NCALD: variants seen among roughly 807,000 people sequenced by gnomAD.
The protein encoded by NCALD is neurocalcin-delta.
In NCALD, 10 loss-of-function variants were observed where a neutral mutation model predicts 18.6. That is an observed-to-expected ratio of 0.54 (90% confidence interval 0.33 to 0.91). NCALD has a LOEUF of 0.91. Ranked by LOEUF, NCALD falls within the 40% of genes least tolerant of loss-of-function variation. The pLI is 0.03. For synonymous variants in NCALD, 88 were observed against 87.4 expected, an observed-to-expected ratio of 1.01 and a Z score of -0.04; for missense variants, 184 against 247.6, an observed-to-expected ratio of 0.74 and a Z score of 1.72.
chr8:102,024,169 T>C (rs997892637), intron 1 of NCALD, among the ~76,000 whole-genome samples: 1 of 152,222 alleles, frequency 6.6e-6, no homozygotes, highest in Non-Finnish European at 1.5e-5. Context: ...AATATTTAAC[T>C]GTTTTTGACA....
At chr8:101,978,445 T>C (rs1820502933) in intron 2 of NCALD, among the ~76,000 whole-genome samples, 2 of 152,200 alleles carry the variant, frequency 1.3e-5, no homozygotes, top group South Asian at 2.1e-4. Flanking sequence ...CTATGAATTC[T>C]GCAAGGTGAA....
At chr8:101,901,455 T>C (rs925020906) in intron 3 of NCALD, among the ~76,000 whole-genome samples, 3 of 152,124 alleles carry the variant, frequency 2.0e-5, no homozygotes, top group African/African-American at 7.2e-5. Context: ...TCTAGACTTA[T>C]TGTGGGTATT....
chr8:101,858,577 C>T (rs1365558493), intron 4 of NCALD, among the ~76,000 whole-genome samples: 1 of 152,028 alleles, frequency 6.6e-6, no homozygotes, highest in Non-Finnish European at 1.5e-5. Flanking sequence ...AGACCAGAGG[C>T]TGAAAATGGG....
At chr8:101,745,332 T>C (rs774924522) in intron 1 of NCALD, among the ~76,000 whole-genome samples, 20 of 152,302 alleles carry the variant, frequency 1.3e-4, no homozygotes, top group Non-Finnish European at 2.8e-4. Flanking sequence ...GTTTTCATTA[T>C]GTGGAAACGG....
At chr8:102,064,844 CT>C (rs1404636411) in intron 1 of NCALD, among the ~76,000 whole-genome samples, 1 of 152,030 alleles carries the variant, frequency 6.6e-6, no homozygotes, top group Non-Finnish European at 1.5e-5. Context: ...AGATGCTGTG[CT>C]TTATTCTTTG....
At chr8:101,756,528 C>T (rs1488822485) in intron 1 of NCALD, among the ~76,000 whole-genome samples, 2 of 152,206 alleles carry the variant, frequency 1.3e-5, no homozygotes, top group African/African-American at 4.8e-5. Flanking sequence ...GCAGTCTATG[C>T]TATGCATTTG....
intron 1 of NCALD, among the ~76,000 whole-genome samples, chr8:101,757,002 T>C (rs1224266728): frequency 6.6e-6 from 1 of 152,226 alleles, no homozygotes; most frequent in Non-Finnish European, 1.5e-5. Context: ...CTTATGTCTC[T>C]GTCTTTTCTT....
intron 1 of NCALD, among the ~76,000 whole-genome samples, chr8:101,767,222 G>A (rs1426474337): frequency 6.6e-6 from 1 of 152,098 alleles, no homozygotes; most frequent in African/African-American, 2.4e-5. Context: ...AGATGTACTA[G>A]AATTATAATA....
chr8:101,833,052 T>C (rs1226493172), intron 4 of NCALD, among the ~76,000 whole-genome samples: 1 of 152,216 alleles, frequency 6.6e-6, no homozygotes, highest in African/African-American at 2.4e-5. Context: ...GAAGAGGCTA[T>C]GAAGTTCATG....
At chr8:101,975,035 CTT>C (rs1437276415) in intron 2 of NCALD, among the ~76,000 whole-genome samples, 1 of 152,160 alleles carries the variant, frequency 6.6e-6, no homozygotes, top group Non-Finnish European at 1.5e-5. Context: ...TTCAATGCTT[CTT>C]AAGTCTTAGA....
At chr8:101,721,170 A>C (rs1358522946) in intron 1 of NCALD, 1 of 240 alleles carries the variant, frequency 4.2e-3, no homozygotes, top group South Asian at 0.12. Flanking sequence ...GTCTATTGGA[A>C]AAAAAAAACC....
chr8:101,790,180 TA>T (rs1198017170), intron 1 of NCALD, among the ~76,000 whole-genome samples: 23 of 152,344 alleles, frequency 1.5e-4, no homozygotes, highest in Admixed American at 3.9e-4. Context: ...CAGGGGAGGA[TA>T]CTGGAAATAT....
At chr8:101,881,986 C>T (rs1212932998) in intron 4 of NCALD, among the ~76,000 whole-genome samples, 1 of 152,140 alleles carries the variant, frequency 6.6e-6, no homozygotes, top group East Asian at 1.9e-4. Context: ...GGGTGCTCAA[C>T]TGAGGGTGAT....
At chr8:101,801,988 T>C (rs927993650) in intron 4 of NCALD, among the ~76,000 whole-genome samples, 1 of 152,140 alleles carries the variant, frequency 6.6e-6, no homozygotes, top group Non-Finnish European at 1.5e-5. Context: ...CTTATTGTGC[T>C]TTGCTTTACT....
intron 2 of NCALD, among the ~76,000 whole-genome samples, chr8:101,703,986 C>T (rs1350813362): frequency 6.6e-6 from 1 of 152,308 alleles, no homozygotes; most frequent in East Asian, 1.9e-4. Context: ...AGAACCGTGC[C>T]TGTTTCCATC....
intron 2 of NCALD, among the ~76,000 whole-genome samples, chr8:101,924,674 G>A (rs146678931): frequency 2.6e-5 from 4 of 152,302 alleles, no homozygotes; most frequent in Admixed American, 6.5e-5. Flanking sequence ...GTCAATGGCC[G>A]TCATTTGTTG....
chr8:101,835,674 A>C (rs544085775), intron 4 of NCALD, among the ~76,000 whole-genome samples: 1 of 152,294 alleles, frequency 6.6e-6, no homozygotes, highest in South Asian at 2.1e-4. Flanking sequence ...CATGAGCTAG[A>C]ACTTGCTCAT....
chr8:101,761,867 CACTT>C (rs1811122700), intron 1 of NCALD, among the ~76,000 whole-genome samples: 1 of 152,146 alleles, frequency 6.6e-6, no homozygotes, highest in African/African-American at 2.4e-5. Flanking sequence ...AAAAAGAAAC[CACTT>C]ACTCACTTTT....
intron 4 of NCALD, among the ~76,000 whole-genome samples, chr8:101,824,858 A>G (rs939978367): frequency 1.1e-4 from 16 of 152,336 alleles, no homozygotes; most frequent in African/African-American, 2.2e-4. Context: ...AGAGGCCATC[A>G]TTCATTCTGT....
Sources: allele counts gnomAD v4.1 joint callset (sites outside exome capture counted in the v4.1 genomes callset), GRCh38; gene constraint gnomAD v4.1.1; transcripts MANE v1.5; gene names NCBI Gene and HGNC (gene_info 2026-07-23, HGNC 2026-07-21).